SLC5A5: variants seen among roughly 807,000 people sequenced by gnomAD.
The protein encoded by SLC5A5 is solute carrier family 5 member 5.
In SLC5A5, 56 loss-of-function variants were observed where a neutral mutation model predicts 68.6. That is an observed-to-expected ratio of 0.82 (90% CI 0.66 to 1.02). The LOEUF (loss-of-function observed/expected upper bound fraction) is 1.02. SLC5A5 is among the 50% of genes least tolerant of loss of function. The probability of loss-of-function intolerance (pLI) is 0.00; values close to 1 mark genes in which losing one functional copy is unlikely to be tolerated. For synonymous variants in SLC5A5, 398 were observed against 373.0 expected (o/e 1.07, Z -0.77); for missense variants, 807 against 859.8 (o/e 0.94, Z 0.77).
chr19:17,882,847 C>CT (rs1269023711), intron 10 of SLC5A5, among the ~76,000 whole-genome samples: 1 of 152,008 alleles, frequency 6.6e-6, no homozygotes, highest in Non-Finnish European at 1.5e-5. Context: ...CCACGCCTGA[C>CT]TAATTTTTTG....
intron 8 of SLC5A5, among the ~76,000 whole-genome samples, 196 bp downstream of exon 8, chr19:17,881,149 T>C (rs1352567516): frequency 2.6e-5 from 4 of 151,974 alleles, no homozygotes; most frequent in Non-Finnish European, 4.4e-5. Flanking sequence ...ACTGCAAGGG[T>C]TTACCTTCTT....
Position 17,894,156 on chromosome 19 carries a change from T to TTTC in SLC5A5, c.*281_*282insCTT, listed in dbSNP as rs2030320586. 2.4e-6 allele frequency: 1 copy of TTTC among 409,028 alleles called. No homozygotes were observed. Among genetic ancestry groups the TTTC allele is most frequent in the African/African-American group, 2.1e-5 (1 of 47,742 alleles). The allele number at this position is 409,028 out of a possible 1,614,324, so 25.3% of individuals were successfully genotyped here. ...TTTTCTCTCTCTCTTTTTTTTTTTT[T>TTTC]TTTTTTTTTGAGACAGGGTCATGCT... On this transcript the variant is annotated 3_prime_UTR_variant, in exon 15 of 15. Coordinates refer to ENST00000222248, the MANE Select transcript of SLC5A5 (RefSeq NM_000453.3).
chr19:17,886,802 A>G (rs2029939764), intron 12 of SLC5A5, among the ~76,000 whole-genome samples: 1 of 152,184 alleles, frequency 6.6e-6, no homozygotes, highest in South Asian at 2.1e-4. Context: ...AATGATGTTG[A>G]GCATCTTTCT....
At chr19:17,889,272 G>A (rs2030057886) in intron 13 of SLC5A5, among the ~76,000 whole-genome samples, 1 of 151,706 alleles carries the variant, frequency 6.6e-6, no homozygotes, top group South Asian at 2.1e-4. Context: ...GGTGGCAGGC[G>A]CCTGTAATGC....
At chr19:17,878,974 C>CAAAAAAAA (rs1368928380) in intron 7 of SLC5A5, among the ~76,000 whole-genome samples, 1 of 47,950 alleles carries the variant, frequency 2.1e-5, no homozygotes, top group Non-Finnish European at 3.7e-5. Context: ...GACTCCATCT[C>CAAAAAAAA]AAAAAAAAAA....
chr19:17,890,988 A>G lies in SLC5A5; in HGVS notation c.1754A>G (p.Asp585Gly), dbSNP rs1321902945. 6.2e-7 allele frequency: 1 copy of G among 1,610,322 alleles called. No homozygotes were observed. The highest frequency in any genetic ancestry group is 1.1e-5 in the South Asian group (1 of 90,996). The stretch of plus-strand genomic sequence containing the variant: ...AAGGAAGAAGTGGCCATCCTGGATG[A>G]CAACTTGGTCAAGGTCAGTCTTAGG... ...APKEEVAILD[D>G]NLVKGPEELP... The change falls in exon 14 of 15, where the codon GAC becomes GGC. Residue 585 changes from aspartate (D) to glycine (G), a missense_variant. Coordinates refer to ENST00000222248, the MANE Select transcript of SLC5A5 (RefSeq NM_000453.3).
intron 5 of SLC5A5, among the ~76,000 whole-genome samples, chr19:17,877,047 A>G (rs951575701): frequency 6.7e-6 from 1 of 149,664 alleles, no homozygotes; most frequent in East Asian, 2.0e-4. Context: ...AAAAAAAAAG[A>G]GGATGGGGCT....
At chr19:17,891,560 T>C (rs750600931) in intron 14 of SLC5A5, among the ~76,000 whole-genome samples, 1 of 152,192 alleles carries the variant, frequency 6.6e-6, no homozygotes, top group Admixed American at 6.6e-5. Flanking sequence ...AGTTGAATAC[T>C]ATTCCTTTTT....
intron 2 of SLC5A5, 117 bp from the exon 3 acceptor site, chr19:17,874,377 G>A: frequency 2.7e-6 from 3 of 1,123,470 alleles, no homozygotes; most frequent in Non-Finnish European, 4.0e-6. Flanking sequence ...CCTGCACTCT[G>A]GAAGACCCGG....
chr19:17,875,021 C>T (rs1003543685), intron 4 of SLC5A5, among the ~76,000 whole-genome samples: 1 of 152,086 alleles, frequency 6.6e-6, no homozygotes, highest in Non-Finnish European at 1.5e-5. Flanking sequence ...GGGAGGGCTA[C>T]CTTTGGCTGG....
chr19:17,894,078 T>TC lies in SLC5A5; in HGVS notation c.*205dup. ...TAAATCCAGCCCCTTGCTTCAACCGTCCCCAGTATTAGACGCTGCAGCCCT... is the reference window on the plus strand; with the variant it reads ...TAAATCCAGCCCCTTGCTTCAACCGTCCCCCAGTATTAGACGCTGCAGCCCT... On this transcript the variant is annotated 3_prime_UTR_variant, in exon 15 of 15. Coordinates refer to ENST00000222248, the MANE Select transcript of SLC5A5 (RefSeq NM_000453.3). The TC allele has an allele frequency of 1.7e-6, 1 of 579,642 alleles. No individual in the cohort carries two copies. The highest frequency in any genetic ancestry group is 2.0e-5 in the South Asian group (1 of 51,196). 35.9% of individuals were successfully genotyped at this position (579,642 alleles called of 1,614,324 possible).
In SLC5A5 at chr19:17,883,962, C is replaced by A; in HGVS notation, c.1442C>A (p.Ala481Asp). 6.4e-7 allele frequency: 1 copy of A among 1,564,624 alleles called. No individual in the cohort carries two copies. Among genetic ancestry groups the A allele is most frequent in the Non-Finnish European group, 8.6e-7 (1 of 1,156,138 alleles). ...QTMRVLPSSA[A>D]RCVALSVNAS... ...ATGAGGGTCCTGCCATCGTCGGCTG[C>A]CCGCTGCGTGGCTCTCTCAGTCAAC... Residue 481 changes from alanine (A) to aspartate (D), a missense_variant, in exon 12 of 15, where the codon GCC (alanine) becomes GAC (aspartate). Physicochemically the swap from Ala to Asp is moderately radical, Grantham distance 126. Transcript: ENST00000222248.
chr19:17,888,742 C>T (rs945625066), intron 13 of SLC5A5, among the ~76,000 whole-genome samples: 1 of 151,678 alleles, frequency 6.6e-6, no homozygotes, highest in Non-Finnish European at 1.5e-5. Context: ...AAGCGATTCT[C>T]ATGTCACAGC....
rs756332578 is a variant in SLC5A5 at position 17,872,344 on chromosome 19, C to T, written c.25C>T (p.Arg9Trp). Reference protein sequence around the residue: MEAVETGERPTFGAWDYGV... With the variant: MEAVETGEWPTFGAWDYGV... ...CATGGAGGCCGTGGAGACCGGGGAA[C>T]GGCCCACCTTCGGAGCCTGGGACTA... The change falls in exon 1 of 15, where the codon CGG becomes TGG. Residue 9 changes from arginine (R) to tryptophan (W), a missense_variant. By Grantham distance (101) the Arg-to-Trp change is moderately radical. Transcript: ENST00000222248. 1 of 1,583,610 alleles carries T rather than the reference C, an allele frequency of 6.3e-7. No individual in the cohort carries two copies. The highest frequency in any genetic ancestry group is 1.3e-5 in the African/African-American group (1 of 74,590).
At chr19:17,880,014 C>T (rs58628607) in intron 7 of SLC5A5, among the ~76,000 whole-genome samples, 2,714 of 152,002 alleles carry the variant, frequency 0.018, 82 homozygotes, top group African/African-American at 0.062. Flanking sequence ...ATTCTCTTGC[C>T]TCAGCCCCCG....
At chr19:17,892,778 G>A (rs1162951260) in intron 14 of SLC5A5, among the ~76,000 whole-genome samples, 1 of 151,978 alleles carries the variant, frequency 6.6e-6, no homozygotes, top group South Asian at 2.1e-4. Context: ...GTGATGGGGA[G>A]CAACTTTAGC....
intron 7 of SLC5A5, among the ~76,000 whole-genome samples, chr19:17,879,823 G>C (rs1196028267): frequency 6.6e-6 from 1 of 152,120 alleles, no homozygotes; most frequent in African/African-American, 2.4e-5. Flanking sequence ...TGGGGCTCAG[G>C]GACAATTCTC....
intron 5 of SLC5A5, 85 bp downstream of exon 5, chr19:17,876,191 A>T (rs906718315): frequency 6.9e-7 from 1 of 1,444,758 alleles, no homozygotes; most frequent in African/African-American, 1.4e-5. Flanking sequence ...GCACTTTGGG[A>T]GGCCGAGGCG....
chr19:17,877,681 C>A (rs369928604), intron 5 of SLC5A5, 42 bp from the exon 6 acceptor site: 2 of 1,612,276 alleles, frequency 1.2e-6, no homozygotes, highest in Admixed American at 1.7e-5. Flanking sequence ...GTGAAGTCAG[C>A]GTGACATCTC....
Sources: allele counts gnomAD v4.1 joint callset (sites outside exome capture counted in the v4.1 genomes callset), GRCh38; gene constraint gnomAD v4.1.1; transcripts MANE v1.5; gene names NCBI Gene and HGNC (gene_info 2026-07-23, HGNC 2026-07-21).